The following NBAS variants were observed in gnomAD, a reference collection of about 807,000 sequenced individuals.
NBAS encodes the protein NAG/BC035112 fusion.
In NBAS, 219 loss-of-function variants were observed where a neutral mutation model predicts 302.5. The observed-to-expected ratio is 0.72, with a 90% CI of 0.65 to 0.81. The LOEUF (loss-of-function observed/expected upper bound fraction) is 0.81, where lower values mean the gene tolerates loss of function less well. NBAS is among the 30% of genes least tolerant of loss of function. The pLI is 0.00. For missense variants in NBAS, 2,932 were observed against 2,841.6 expected, an observed-to-expected ratio of 1.03 and a Z score of -0.72; for synonymous variants, 1,118 against 1,021.6, an observed-to-expected ratio of 1.09 and a Z score of -1.80.
chr2:15,367,939 G>C (rs10929364), intron 31 of NBAS, among the ~76,000 whole-genome samples: 9,621 of 152,160 alleles, frequency 0.063, 1,021 homozygotes, highest in African/African-American at 0.22. Context: ...CATGCATACA[G>C]TCCCTGCTTC....
chr2:15,272,648 T>A (rs1467151186), intron 44 of NBAS, among the ~76,000 whole-genome samples: 1 of 152,200 alleles, frequency 6.6e-6, no homozygotes, highest in Admixed American at 6.5e-5. Context: ...CTCTCTATAA[T>A]TTACTTGAAT....
At chr2:15,342,332 T>C (rs1672893877) in intron 35 of NBAS, among the ~76,000 whole-genome samples, 2 of 151,990 alleles carry the variant, frequency 1.3e-5, no homozygotes, top group South Asian at 4.1e-4. Context: ...AATCAAACAA[T>C]AAATCATGGT....
the NBAS span, among the ~76,000 whole-genome samples, chr2:15,091,793 G>A: frequency 3.5e-4 from 54 of 152,280 alleles, 1 homozygote; most frequent in South Asian, 1.0e-2. Flanking sequence ...TCGGCCTCCC[G>A]AAGGGCTGGA....
the NBAS span, among the ~76,000 whole-genome samples, chr2:15,141,606 C>T: frequency 1.3e-5 from 2 of 152,192 alleles, no homozygotes; most frequent in Non-Finnish European, 2.9e-5. Flanking sequence ...TTTATAAAGG[C>T]TAGACTCATT....
chr2:14,832,090 G>A, the NBAS span, among the ~76,000 whole-genome samples: 1 of 152,094 alleles, frequency 6.6e-6, no homozygotes, highest in Non-Finnish European at 1.5e-5. Context: ...CAAGGTCATG[G>A]CTGTGTGTTT....
chr2:15,276,703 G>A, intron 43 of NBAS, 148 bp downstream of exon 43: 2 of 1,192,966 alleles, frequency 1.7e-6, no homozygotes, highest in East Asian at 2.5e-5. Flanking sequence ...GAAAGAGTTG[G>A]AAAGATAATA....
chr2:15,314,046 T>A (rs1361517446), intron 38 of NBAS, among the ~76,000 whole-genome samples: 1 of 152,062 alleles, frequency 6.6e-6, no homozygotes, highest in African/African-American at 2.4e-5. Context: ...AAACTCTAGA[T>A]AAAATATAAA....
chr2:14,839,119 C>A, the NBAS span, among the ~76,000 whole-genome samples: 1 of 151,786 alleles, frequency 6.6e-6, no homozygotes, highest in African/African-American at 2.4e-5. Flanking sequence ...AAATATACAG[C>A]ACCAAGATTA....
the NBAS span, among the ~76,000 whole-genome samples, chr2:14,808,791 A>T: frequency 6.6e-6 from 1 of 152,228 alleles, no homozygotes; most frequent in African/African-American, 2.4e-5. Context: ...ATGACAGAAA[A>T]TGTGGGAAAG....
At chr2:15,247,004 G>T (rs759223216) in intron 44 of NBAS, among the ~76,000 whole-genome samples, 7 of 152,344 alleles carry the variant, frequency 4.6e-5, no homozygotes, top group South Asian at 2.1e-4. Flanking sequence ...TCAGGAAAGG[G>T]TTGCTGAAAG....
At chr2:14,967,939 C>T in the NBAS span, among the ~76,000 whole-genome samples, 1 of 152,168 alleles carries the variant, frequency 6.6e-6, no homozygotes, top group Non-Finnish European at 1.5e-5. Flanking sequence ...GTACTCCCTC[C>T]TTTGGCACTG....
rs370974818 is a variant in NBAS at position 15,238,589 on chromosome 2, G to A, written c.5822C>T (p.Ala1941Val). The A allele has an allele frequency of 3.1e-6, 5 of 1,613,718 alleles. No homozygotes were observed. The East Asian group carries it at 8.9e-5, about 29-fold the overall frequency. The change falls in exon 45 of 52, where the codon GCT becomes GTT. Residue 1941 changes from alanine to valine, a missense_variant. By Grantham distance (64) the Ala-to-Val change is moderately conservative. Coordinates refer to ENST00000281513, the MANE Select transcript of NBAS (RefSeq NM_015909.4). The part of the protein sequence containing the change: ...KPRKRNSEDE[A>V]QEAKDSKVTY... Reference sequence around the variant, plus strand: ...AACTTTAGAATCCTTAGCTTCTTGAGCTTCGTCTTCTGAGTTTCTTTTCCT... The same window carrying A: ...AACTTTAGAATCCTTAGCTTCTTGAACTTCGTCTTCTGAGTTTCTTTTCCT...
At chr2:15,410,984 T>G (rs1389394373) in intron 25 of NBAS, among the ~76,000 whole-genome samples, 2 of 152,184 alleles carry the variant, frequency 1.3e-5, no homozygotes, top group African/African-American at 4.8e-5. Flanking sequence ...GAACACGTTC[T>G]CCCTCTGCGG....
intron 48 of NBAS, among the ~76,000 whole-genome samples, chr2:15,202,270 C>G (rs1253641292): frequency 6.6e-6 from 1 of 152,184 alleles, no homozygotes; most frequent in Non-Finnish European, 1.5e-5. Flanking sequence ...TTTTATTATA[C>G]CTGTAAACAT....
intron 38 of NBAS, among the ~76,000 whole-genome samples, chr2:15,317,549 A>G (rs1166435638): frequency 1.3e-5 from 2 of 152,192 alleles, no homozygotes; most frequent in East Asian, 3.8e-4. Context: ...TGTAGAGAAG[A>G]CCTTAAATGA....
chr2:14,914,683 A>G, the NBAS span, among the ~76,000 whole-genome samples: 1 of 152,232 alleles, frequency 6.6e-6, no homozygotes, highest in Non-Finnish European at 1.5e-5. Context: ...GCCTCTTACT[A>G]AAAGACACAG....
chr2:15,064,646 A>T, the NBAS span, among the ~76,000 whole-genome samples: 2 of 152,202 alleles, frequency 1.3e-5, no homozygotes, highest in South Asian at 4.1e-4. Context: ...ATATTTAAAG[A>T]ATAATTAAAA....
At chr2:15,286,479 C>T (rs1670048656) in intron 42 of NBAS, among the ~76,000 whole-genome samples, 1 of 152,184 alleles carries the variant, frequency 6.6e-6, no homozygotes, top group Non-Finnish European at 1.5e-5. Context: ...GCTCCTATGC[C>T]TTGCCCCAGT....
At chr2:14,916,583 T>G in the NBAS span, among the ~76,000 whole-genome samples, 2 of 63,154 alleles carry the variant, frequency 3.2e-5, no homozygotes, top group African/African-American at 7.8e-5. Context: ...CTTTCAGTAA[T>G]ATATATATAT....
Sources: allele counts gnomAD v4.1 joint callset (sites outside exome capture counted in the v4.1 genomes callset), GRCh38; gene constraint gnomAD v4.1.1; transcripts MANE v1.5; gene names NCBI Gene and HGNC (gene_info 2026-07-23, HGNC 2026-07-21).